SDK2: variants seen among roughly 807,000 people sequenced by gnomAD.
SDK2 encodes the protein sidekick cell adhesion molecule 2.
In SDK2, 105 loss-of-function variants were observed where a neutral mutation model predicts 253.9. That is an observed-to-expected ratio of 0.41 (90% CI 0.35 to 0.49). The LOEUF (loss-of-function observed/expected upper bound fraction) is 0.49. SDK2 is among the 20% of genes least tolerant of loss of function. The pLI is 0.06. For synonymous variants in SDK2, 1,249 were observed against 1,234.9 expected (o/e 1.01, Z -0.24); for missense variants, 2,608 against 3,003.0 (o/e 0.87, Z 3.07).
chr17:73,338,886 C>T lies in SDK2; in HGVS notation c.6220G>A (p.Val2074Ile). 1.2e-6 allele frequency: 2 copies of T among 1,613,994 alleles called. No homozygotes were observed. The highest frequency in any genetic ancestry group is 1.7e-6 in the Non-Finnish European group (2 of 1,179,892). The change falls in exon 45 of 45, where the codon GTC becomes ATC. Residue 2074 changes from valine to isoleucine, a missense_variant. Val to Ile is a conservative substitution (Grantham distance 29, BLOSUM62 3). Coordinates refer to ENST00000392650, the MANE Select transcript of SDK2 (RefSeq NM_001144952.2). This position sits in a 1 kb window ranked among gnomAD's most constrained non-coding sequence, Gnocchi z 5.0. ...GTGGGGTCACTGATGTAGTGGTTGA[C>T]AAAGGAGTGGGCCTTCTGGTGGTTT... ...DSNHQKAHSFVNHYISDPTYY... is the reference protein window; with the variant it reads ...DSNHQKAHSFINHYISDPTYY...
At chr17:73,365,451 C>T (rs892228932) in intron 37 of SDK2, 56 bp from the exon 38 acceptor site, 9 of 1,517,886 alleles carry the variant, frequency 5.9e-6, no homozygotes, top group East Asian at 2.5e-5. Flanking sequence ...TTCAAAGCCT[C>T]GGGTTCAGCT....
intron 18 of SDK2, among the ~76,000 whole-genome samples, chr17:73,407,318 G>T (rs1312623970): frequency 1.3e-5 from 2 of 152,088 alleles, no homozygotes; most frequent in African/African-American, 4.8e-5. Context: ...AGACTACTGG[G>T]GCCACGTCAA....
Position 73,379,270 on chromosome 17 carries a change from G to A in SDK2, c.4887C>T (p.Asn1629=), listed in dbSNP as rs770759494. 34 of 1,552,406 alleles carry A rather than the reference G, an allele frequency of 2.2e-5. No individual in the cohort carries two copies. The highest frequency in any genetic ancestry group is 4.7e-5 in the South Asian group (4 of 84,238). The stretch of plus-strand genomic sequence containing the variant: ...TGGCCGTGGCGCCGTGGACGACCAC[G>A]TTACGAGGTGCTGCTGTGGGCACTG... ...GEAVPTAAPR[N]VVVHGATATQ... Residue 1629 remains asparagine, a synonymous_variant, in exon 36 of 45, where the codon AAC becomes AAT. Coordinates refer to ENST00000392650, the MANE Select transcript of SDK2 (RefSeq NM_001144952.2). The surrounding 1 kb of genome is among the most constrained non-coding windows in gnomAD (Gnocchi z 4.5).
At chr17:73,601,585 G>A (rs965623951) in intron 1 of SDK2, among the ~76,000 whole-genome samples, 1 of 152,182 alleles carries the variant, frequency 6.6e-6, no homozygotes, top group African/African-American at 2.4e-5. Flanking sequence ...AACGGAGGCA[G>A]AGACTGGAGT....
chr17:73,438,043 G>A lies in SDK2; in HGVS notation c.837C>T (p.Ala279=), dbSNP rs1002919751. Residue 279 remains alanine, a synonymous_variant, in exon 7 of 45, where the codon GCC becomes GCT. Transcript: ENST00000392650. ...LTIPNPTGSD[A]GYYECEAVLR... ...GGACAGCCTCACACTCGTAGTAGCC[G>A]GCGTCACTGCCGGTGGGGTTGGGGA... is the stretch of plus-strand genomic sequence containing the variant. The A allele has an allele frequency of 7.1e-6, 11 of 1,551,674 alleles. No homozygotes were observed. The highest frequency in any genetic ancestry group is 4.1e-5 in the African/African-American group (3 of 73,186).
At chr17:73,634,704 G>T (rs1019846255) in intron 1 of SDK2, among the ~76,000 whole-genome samples, 14 of 152,226 alleles carry the variant, frequency 9.2e-5, no homozygotes, top group African/African-American at 3.4e-4. Flanking sequence ...CGGGGCAGGG[G>T]CACCTGTCAA....
intron 1 of SDK2, among the ~76,000 whole-genome samples, chr17:73,572,256 T>C (rs114717061): frequency 0.021 from 3,224 of 152,182 alleles, 45 homozygotes; most frequent in African/African-American, 0.048. Flanking sequence ...CCACAGCCTG[T>C]CTGTTTTGCT....
intron 29 of SDK2, among the ~76,000 whole-genome samples, chr17:73,389,270 G>T (rs1395960936): frequency 5.7e-5 from 8 of 140,980 alleles, no homozygotes; most frequent in Admixed American, 3.9e-4. Context: ...TGTGACCTCC[G>T]CCTCGCAGGT....
At chr17:73,564,945 A>G (rs2045291214) in intron 1 of SDK2, among the ~76,000 whole-genome samples, 1 of 152,194 alleles carries the variant, frequency 6.6e-6, no homozygotes, top group South Asian at 2.1e-4. Context: ...AGATAGCAAT[A>G]AACAACTGCC....
At chr17:73,388,546 C>A (rs2062893934) in intron 29 of SDK2, among the ~76,000 whole-genome samples, 1 of 152,142 alleles carries the variant, frequency 6.6e-6, no homozygotes, top group Non-Finnish European at 1.5e-5. Flanking sequence ...GTGGCGGGGG[C>A]ATCCTATGCA....
Position 73,414,641 on chromosome 17 carries a change from T to G in SDK2, c.2484+3A>C. ...CTCTTGGGTGAGGAGATGCCTCATG[T>G]ACCTTGTAGCCCTGGTTGATGCCGT... On this transcript the variant is annotated splice_donor_region_variant and intron_variant, in intron 18 of 44. Transcript: ENST00000392650. The G allele has an allele frequency of 6.2e-7, 1 of 1,611,330 alleles. No individual in the cohort carries two copies.
chr17:73,583,953 C>T (rs1012916572), intron 1 of SDK2, among the ~76,000 whole-genome samples: 3 of 152,180 alleles, frequency 2.0e-5, no homozygotes, highest in African/African-American at 4.8e-5. Context: ...TTTTGACTTC[C>T]GATGATAGGA....
At chr17:73,512,453 G>T (rs900830853) in intron 1 of SDK2, among the ~76,000 whole-genome samples, 3 of 152,050 alleles carry the variant, frequency 2.0e-5, no homozygotes, top group Non-Finnish European at 4.4e-5. Context: ...TGTGGAAAAG[G>T]AGATAATTGA....
chr17:73,552,416 G>A (rs567008152), intron 1 of SDK2, among the ~76,000 whole-genome samples: 8 of 152,274 alleles, frequency 5.3e-5, no homozygotes, highest in East Asian at 1.9e-4. Context: ...GCAGCTTGGC[G>A]AGGACGCATG....
At chr17:73,377,228 T>C (rs1218336360) in intron 36 of SDK2, among the ~76,000 whole-genome samples, 3 of 151,156 alleles carry the variant, frequency 2.0e-5, no homozygotes, top group African/African-American at 7.3e-5. Flanking sequence ...TTTTCTTTTT[T>C]TTTTTTTGGA....
chr17:73,428,488 T>A (rs1264191802), intron 12 of SDK2, among the ~76,000 whole-genome samples: 1 of 152,036 alleles, frequency 6.6e-6, no homozygotes, highest in Non-Finnish European at 1.5e-5. Flanking sequence ...CGGCACCACT[T>A]TAGTCTGGTT....
At chr17:73,566,909 A>ATTCT (rs2045320297) in intron 1 of SDK2, among the ~76,000 whole-genome samples, 1 of 152,108 alleles carries the variant, frequency 6.6e-6, no homozygotes, top group East Asian at 1.9e-4. Flanking sequence ...AAACTTAGAA[A>ATTCT]ATTTCCAGCT....
At chr17:73,619,305 C>T (rs566162287) in intron 1 of SDK2, among the ~76,000 whole-genome samples, 15 of 152,124 alleles carry the variant, frequency 9.9e-5, no homozygotes, top group Admixed American at 3.3e-4. Flanking sequence ...AACTTGAGGG[C>T]AGGCTGAAGT....
chr17:73,435,464 T>G lies in SDK2; in HGVS notation c.1181A>C (p.Tyr394Ser), dbSNP rs1173767719. ...GCCCAACTTACTGGTGACAGCCAGGTAGGTGGAAGTTTGCACCTCGCCGGC... is the reference window on the plus strand; with the variant it reads ...GCCCAACTTACTGGTGACAGCCAGGGAGGTGGAAGTTTGCACCTCGCCGGC... Reference protein sequence around the residue: ...NAAGEVQTSTYLAVTSIAPNI... With the variant: ...NAAGEVQTSTSLAVTSIAPNI... The change falls in exon 9 of 45, where the codon TAC (tyrosine) becomes TCC (serine). Residue 394 changes from tyrosine (Y) to serine (S), a missense_variant. Transcript: ENST00000392650. The surrounding 1 kb of genome is among the most constrained non-coding windows in gnomAD (Gnocchi z 5.7). 4 of 1,593,940 alleles carry G rather than the reference T, an allele frequency of 2.5e-6. No homozygotes were observed. The highest frequency in any genetic ancestry group is 3.4e-6 in the Non-Finnish European group (4 of 1,169,992).
Sources: gnomAD v4.1 joint callset for allele counts (sites outside exome capture counted in the v4.1 genomes callset) on GRCh38, gnomAD v4.1.1 for gene constraint, Gnocchi (gnomAD v3.1) non-coding constraint, MANE v1.5 for transcripts, NCBI Gene and HGNC (gene_info 2026-07-23, HGNC 2026-07-21) for gene names.